The following ZMAT4 variants were observed in gnomAD, a reference collection of about 807,000 sequenced individuals.
The protein encoded by ZMAT4 is zinc finger matrin-type protein 4.
ZMAT4 carries 17 observed loss-of-function variants against 28.7 expected under a neutral mutation model. The ratio of observed to expected loss-of-function variants is 0.59; its 90% CI spans 0.41 to 0.89. The LOEUF (loss-of-function observed/expected upper bound fraction) is 0.89, where lower values mean the gene tolerates loss of function less well. ZMAT4 is among the 40% of genes least tolerant of loss of function. The pLI, the probability that ZMAT4 is intolerant of heterozygous loss-of-function variation, is 0.00. For synonymous variants in ZMAT4, 117 were observed against 109.2 expected (o/e 1.07, Z -0.44); for missense variants, 240 against 283.8 (o/e 0.85, Z 1.11).
chr8:40,744,266 G>C (rs1384838508), intron 3 of ZMAT4, among the ~76,000 whole-genome samples: 1 of 152,080 alleles, frequency 6.6e-6, no homozygotes, highest in Non-Finnish European at 1.5e-5. Flanking sequence ...TGAATCCAGG[G>C]AGTCCGTGTC....
intron 1 of ZMAT4, among the ~76,000 whole-genome samples, chr8:40,889,268 C>G (rs1818579769): frequency 1.3e-5 from 2 of 152,220 alleles, no homozygotes; most frequent in African/African-American, 2.4e-5. Context: ...AGGTCCAGCC[C>G]TTACTGACAA....
chr8:40,851,030 A>C (rs2150635276), intron 1 of ZMAT4, among the ~76,000 whole-genome samples: 1 of 152,342 alleles, frequency 6.6e-6, no homozygotes, highest in South Asian at 2.1e-4. Context: ...TATGTCTATA[A>C]GTTAACTATA....
intron 3 of ZMAT4, among the ~76,000 whole-genome samples, chr8:40,701,988 T>C (rs1474147132): frequency 2.6e-5 from 4 of 152,132 alleles, no homozygotes. Context: ...CCCCCATGAA[T>C]GGATTAATGC....
chr8:40,638,120 A>G (rs528459293), intron 5 of ZMAT4, among the ~76,000 whole-genome samples: 159 of 152,290 alleles, frequency 1.0e-3, no homozygotes, highest in African/African-American at 3.7e-3. Flanking sequence ...GTTAGAGAGG[A>G]GGAAGAGGTT....
At chr8:40,721,091 T>C (rs1811068417) in intron 3 of ZMAT4, among the ~76,000 whole-genome samples, 1 of 144,830 alleles carries the variant, frequency 6.9e-6, no homozygotes, top group South Asian at 2.3e-4. Flanking sequence ...ACTCGTCATC[T>C]AGCATTAGGT....
intron 5 of ZMAT4, among the ~76,000 whole-genome samples, chr8:40,589,595 T>A (rs576092789): frequency 1.5e-4 from 23 of 152,268 alleles, no homozygotes; most frequent in African/African-American, 5.5e-4. Flanking sequence ...CCCTCCAGAC[T>A]CCATAGGGTT....
chr8:40,875,029 G>A (rs1379804142), intron 1 of ZMAT4, among the ~76,000 whole-genome samples: 4 of 152,140 alleles, frequency 2.6e-5, no homozygotes, highest in South Asian at 2.1e-4. Flanking sequence ...AGTCCTCCAC[G>A]GGCTGTATTT....
chr8:40,825,923 T>C (rs576259936), intron 1 of ZMAT4, among the ~76,000 whole-genome samples: 1 of 152,324 alleles, frequency 6.6e-6, no homozygotes, highest in Non-Finnish European at 1.5e-5. Context: ...GCTATAGTTT[T>C]TCTGTTGAAC....
At chr8:40,801,395 C>T (rs1020934291) in intron 2 of ZMAT4, among the ~76,000 whole-genome samples, 10 of 140,464 alleles carry the variant, frequency 7.1e-5, no homozygotes, top group East Asian at 2.0e-4. Flanking sequence ...CGGTGGGGTG[C>T]GGTGGCTCAC....
chr8:40,661,357 G>A (rs1289907975), intron 5 of ZMAT4, among the ~76,000 whole-genome samples: 5 of 152,184 alleles, frequency 3.3e-5, no homozygotes, highest in Non-Finnish European at 7.3e-5. Flanking sequence ...GCCTTGCCCT[G>A]CCAAAGTGCT....
At chr8:40,723,735 A>T (rs1200388681) in intron 3 of ZMAT4, among the ~76,000 whole-genome samples, 1 of 152,312 alleles carries the variant, frequency 6.6e-6, no homozygotes, top group Admixed American at 6.5e-5. Context: ...TTATAAATCA[A>T]CCATTGGAAC....
chr8:40,754,460 A>T (rs1812589369), intron 3 of ZMAT4, among the ~76,000 whole-genome samples: 1 of 152,238 alleles, frequency 6.6e-6, no homozygotes, highest in Non-Finnish European at 1.5e-5. Flanking sequence ...GTCCCAAGCT[A>T]GAGAATTGGT....
At position 40,532,215 on chromosome 8, in the gene ZMAT4, T is replaced by G. The variant is rs376838736; in HGVS notation, c.*8A>C. On this transcript the variant is annotated 3_prime_UTR_variant, in exon 7 of 7. Transcript: ENST00000297737. ...TGTTTTGTTCTTATGTCTTGATTGA[T>G]GCTTTCACTACTTATTCTTCAGGCT... is the stretch of plus-strand genomic sequence containing the variant. The G allele has an allele frequency of 6.3e-7, 1 of 1,598,866 alleles. No individual in the cohort carries two copies. Among genetic ancestry groups the G allele is most frequent in the African/African-American group, 1.3e-5 (1 of 74,394 alleles).
rs1339134333 is a variant in ZMAT4 at position 40,601,563 on chromosome 8, G to GAAGA, written c.578-20306_578-20303dup. ...GAAGGGGGAGTGAGAAAGAAAGAAA[G>GAAGA]AAGAAAGAAAGAAAGAAAGAAAGAA... On this transcript the variant is annotated intron_variant, in intron 5 of 6. Transcript: ENST00000297737. Among the ~76,000 whole-genome samples, 13 of 118,586 alleles carry GAAGA rather than the reference G, an allele frequency of 1.1e-4. 3 individuals are homozygous for GAAGA. Among genetic ancestry groups the GAAGA allele is most frequent in the African/African-American group, 1.7e-4 (5 of 30,194 alleles). 77.8% of individuals were successfully genotyped at this position (118,586 alleles called of 152,430 possible).
At chr8:40,615,381 G>A (rs931617692) in intron 5 of ZMAT4, among the ~76,000 whole-genome samples, 1 of 152,092 alleles carries the variant, frequency 6.6e-6, no homozygotes, top group Non-Finnish European at 1.5e-5. Context: ...TTTCAACTTT[G>A]GTGAATCTGA....
At chr8:40,884,088 C>T (rs1044940161) in intron 1 of ZMAT4, among the ~76,000 whole-genome samples, 1 of 152,170 alleles carries the variant, frequency 6.6e-6, no homozygotes, top group African/African-American at 2.4e-5. Flanking sequence ...CTCCACCACC[C>T]GCTGGACTGA....
chr8:40,832,777 A>G (rs2150619042), intron 1 of ZMAT4, among the ~76,000 whole-genome samples: 1 of 152,386 alleles, frequency 6.6e-6, no homozygotes, highest in East Asian at 1.9e-4. Context: ...TTTTAAAATT[A>G]TTCCTCTCAA....
At chr8:40,627,753 A>C (rs750763445) in intron 5 of ZMAT4, among the ~76,000 whole-genome samples, 4 of 152,200 alleles carry the variant, frequency 2.6e-5, no homozygotes, top group Non-Finnish European at 5.9e-5. Flanking sequence ...CTTACATAGC[A>C]ATGAACATTC....
intron 4 of ZMAT4, among the ~76,000 whole-genome samples, chr8:40,686,822 G>T (rs1013854501): frequency 1.1e-4 from 16 of 152,198 alleles, no homozygotes; most frequent in Non-Finnish European, 2.4e-4. Flanking sequence ...TCACAACCTT[G>T]TTGTGAGGAT....
Sources: allele counts gnomAD v4.1 joint callset (sites outside exome capture counted in the v4.1 genomes callset), GRCh38; gene constraint gnomAD v4.1.1; transcripts MANE v1.5; gene names NCBI Gene and HGNC (gene_info 2026-07-23, HGNC 2026-07-21).